The following SLC4A5 variants were observed in gnomAD, a reference collection of about 807,000 sequenced individuals.
SLC4A5 encodes the protein solute carrier family 4 member 5, also known as electrogenic sodium bicarbonate cotransporter 4.
In SLC4A5, 96 loss-of-function variants were observed where a neutral mutation model predicts 120.4. That is an observed-to-expected ratio of 0.80 (90% CI 0.68 to 0.94). The LOEUF is 0.94. SLC4A5 is among the 40% of genes least tolerant of loss of function. The pLI, the probability that SLC4A5 is intolerant of heterozygous loss-of-function variation, is 0.00. For missense variants in SLC4A5, 1,259 were observed against 1,459.5 expected (o/e 0.86, Z 2.24); for synonymous variants, 550 against 571.1 (o/e 0.96, Z 0.53).
intron 6 of SLC4A5, chr2:74,306,848 GA>G: frequency 1.5e-6 from 1 of 645,964 alleles, no homozygotes; most frequent in African/African-American, 1.8e-5. Flanking sequence ...CACCAAGATT[GA>G]AGTCCTTGCC....
rs1457864364 is a variant in SLC4A5, at chr2:74,255,869, C to T, written c.931G>A (p.Glu311Lys). Residue 311 changes from glutamate (E) to lysine (K), a missense_variant, in exon 13 of 31, where the codon GAG becomes AAG. Transcript: ENST00000394019. This position sits in a 1 kb window ranked among gnomAD's most constrained non-coding sequence, Gnocchi z 4.0. ...AATGGCTGGTCTAGGAAGTCCACCT[C>T]GCCCACGAGCACGTTGGACGCTTCT... 1.2e-6 allele frequency: 2 copies of T among 1,614,198 alleles called. No homozygotes were observed. Among genetic ancestry groups the T allele is most frequent in the Admixed American group, 1.7e-5 (1 of 60,030 alleles).
chr2:74,245,142 A>G (rs1370166118), intron 19 of SLC4A5, among the ~76,000 whole-genome samples: 1 of 152,090 alleles, frequency 6.6e-6, no homozygotes, highest in East Asian at 1.9e-4. Context: ...AAAATGGTGA[A>G]ACCCTGTCTG....
intron 4 of SLC4A5, among the ~76,000 whole-genome samples, chr2:74,333,701 G>A (rs556169672): frequency 9.1e-4 from 139 of 152,308 alleles, no homozygotes; most frequent in Non-Finnish European, 1.6e-3. Flanking sequence ...GCTGAGGGAT[G>A]ACTGTTTGAC....
At position 74,299,784 on chromosome 2, in the gene SLC4A5, T is replaced by C. The variant is rs548238394; in HGVS notation, c.271+4705A>G. Reference sequence around the variant, plus strand: ...CACTGTTGGTGGGAATGTAAATTGGTACAGCCATTATGGAAAATAATATGG... The same window carrying C: ...CACTGTTGGTGGGAATGTAAATTGGCACAGCCATTATGGAAAATAATATGG... On this transcript the variant is annotated intron_variant, in intron 7 of 30. Coordinates refer to ENST00000394019, the Ensembl canonical transcript of SLC4A5. Among the ~76,000 whole-genome samples the C allele has an allele frequency of 2.6e-5, 4 of 152,304 alleles. No individual in the cohort carries two copies. The East Asian group carries it at 7.7e-4, about 29-fold the overall frequency.
chr2:74,338,634 C>T (rs1007615133), intron 3 of SLC4A5, among the ~76,000 whole-genome samples: 1 of 152,104 alleles, frequency 6.6e-6, no homozygotes, highest in Non-Finnish European at 1.5e-5. Context: ...GTCTGGCCAA[C>T]ATGGTGAAAC....
intron 26 of SLC4A5, 139 bp from the exon 27 acceptor site, chr2:74,227,269 G>A (rs1306935972): frequency 9.5e-7 from 1 of 1,056,880 alleles, no homozygotes; most frequent in Non-Finnish European, 1.3e-6. Flanking sequence ...CACGGGAGGG[G>A]GGCTGGAGGT....
chr2:74,225,709 A>G (rs1694818699), intron 27 of SLC4A5, among the ~76,000 whole-genome samples: 1 of 152,258 alleles, frequency 6.6e-6, no homozygotes. Flanking sequence ...TTTCTGATTT[A>G]GCAGGTCAGG....
intron 19 of SLC4A5, among the ~76,000 whole-genome samples, chr2:74,246,306 G>A (rs2103969320): frequency 1.3e-5 from 2 of 152,246 alleles, no homozygotes; most frequent in South Asian, 4.1e-4. Flanking sequence ...TACCAACCAA[G>A]GGGGCCGAGA....
At chr2:74,274,431 C>T (rs1005799718) in intron 8 of SLC4A5, among the ~76,000 whole-genome samples, 3 of 152,148 alleles carry the variant, frequency 2.0e-5, no homozygotes, top group Non-Finnish European at 2.9e-5. Context: ...GTTTCTACAA[C>T]GGATTATGAC....
At chr2:74,307,438 T>G (rs1221575361) in intron 6 of SLC4A5, 2 of 632,234 alleles carry the variant, frequency 3.2e-6, no homozygotes, top group African/African-American at 3.6e-5. Flanking sequence ...CGAGTGACAC[T>G]GGTGTCATCA....
chr2:74,264,455 TCAC>T (rs1275388561), intron 9 of SLC4A5, among the ~76,000 whole-genome samples, 156 bp from the exon 10 acceptor site: 2 of 151,094 alleles, frequency 1.3e-5, no homozygotes, highest in Admixed American at 6.6e-5. Flanking sequence ...ACTGGGCACA[TCAC>T]CAACTCTTGG....
intron 6 of SLC4A5, chr2:74,307,052 GT>G: frequency 1.8e-6 from 1 of 571,000 alleles, no homozygotes. Context: ...CCCTCAGGCT[GT>G]TTCCCAAGCT....
At chr2:74,301,720 T>A (rs1434604091) in intron 7 of SLC4A5, among the ~76,000 whole-genome samples, 2 of 152,236 alleles carry the variant, frequency 1.3e-5, no homozygotes, top group African/African-American at 4.8e-5. Context: ...GTATCACACA[T>A]ACAATGCCCA....
At chr2:74,262,612 T>C (rs905771427) in intron 10 of SLC4A5, among the ~76,000 whole-genome samples, 2 of 151,198 alleles carry the variant, frequency 1.3e-5, no homozygotes, top group Non-Finnish European at 2.9e-5. Flanking sequence ...GGCAGGAGAA[T>C]CACTTGAATC....
chr2:74,309,850 G>C (rs1376064152), intron 6 of SLC4A5, among the ~76,000 whole-genome samples: 1 of 151,512 alleles, frequency 6.6e-6, no homozygotes, highest in Non-Finnish European at 1.5e-5. Context: ...TTTTAGTAGA[G>C]ACGGGGTTTC....
intron 7 of SLC4A5, among the ~76,000 whole-genome samples, chr2:74,293,839 T>C (rs1433964065): frequency 6.6e-6 from 1 of 151,990 alleles, no homozygotes; most frequent in Non-Finnish European, 1.5e-5. Context: ...TTCTAGAGTG[T>C]GGAGATTTTT....
At chr2:74,335,797 C>G (rs150493047) in intron 3 of SLC4A5, among the ~76,000 whole-genome samples, 3 of 152,118 alleles carry the variant, frequency 2.0e-5, no homozygotes, top group African/African-American at 7.2e-5. Flanking sequence ...TATGAGGACA[C>G]GTGGCAAAAC....
intron 11 of SLC4A5, among the ~76,000 whole-genome samples, chr2:74,261,606 T>C (rs1397639018): frequency 1.3e-5 from 2 of 152,110 alleles, no homozygotes; most frequent in Admixed American, 1.3e-4. Context: ...CCTGACGAGG[T>C]GCATGTAAAA....
At chr2:74,232,605 G>T in exon 24 of SLC4A5, 1 of 1,613,870 alleles carries the variant, frequency 6.2e-7, no homozygotes, top group Non-Finnish European at 8.5e-7. Flanking sequence ...AAAGCCATGA[G>T]GATGCCCACC....
Sources: allele counts gnomAD v4.1 joint callset (sites outside exome capture counted in the v4.1 genomes callset), GRCh38; gene constraint gnomAD v4.1.1; non-coding constraint Gnocchi (gnomAD v3.1); transcripts MANE v1.5; gene names NCBI Gene and HGNC (gene_info 2026-07-23, HGNC 2026-07-21).